ADGRB3: variants seen among roughly 807,000 people sequenced by gnomAD.
The protein encoded by ADGRB3 is adhesion G protein-coupled receptor B3, also known as brain-specific angiogenesis inhibitor 3.
ADGRB3 carries 37 observed loss-of-function variants against 193.4 expected under a neutral mutation model. That is an observed-to-expected ratio of 0.19 (90% CI 0.15 to 0.25). The LOEUF (loss-of-function observed/expected upper bound fraction) is 0.25, where lower values mean the gene tolerates loss of function less well. Ranked by LOEUF, ADGRB3 falls within the 10% of genes least tolerant of loss-of-function variation. ADGRB3 has a pLI of 1.00. For missense variants in ADGRB3, 1,637 were observed against 1,852.9 expected, an observed-to-expected ratio of 0.88 and a Z score of 2.14; for synonymous variants, 690 against 644.2, an observed-to-expected ratio of 1.07 and a Z score of -1.08.
chr6:68,841,948 A>G (rs74959992), intron 3 of ADGRB3, among the ~76,000 whole-genome samples: 1,653 of 152,080 alleles, frequency 0.011, 26 homozygotes, highest in African/African-American at 0.037. Flanking sequence ...GACACCTAGT[A>G]TTTTAGCACA....
intron 3 of ADGRB3, among the ~76,000 whole-genome samples, chr6:68,762,993 T>A (rs917702867): frequency 6.6e-6 from 1 of 152,242 alleles, no homozygotes; most frequent in African/African-American, 2.4e-5. Context: ...ACATTCCTTG[T>A]TTGTGGTCAT....
chr6:69,032,649 T>C (rs566876194), intron 13 of ADGRB3, among the ~76,000 whole-genome samples: 44 of 152,176 alleles, frequency 2.9e-4, no homozygotes, highest in African/African-American at 1.0e-3. Context: ...AAATCTGGAC[T>C]AAATTATTCC....
chr6:68,978,962 C>T (rs1272204070), intron 10 of ADGRB3, among the ~76,000 whole-genome samples: 1 of 151,076 alleles, frequency 6.6e-6, no homozygotes, highest in Non-Finnish European at 1.5e-5. Flanking sequence ...ATAGCAATCA[C>T]CTAAATTTGA....
At chr6:69,157,779 A>T (rs1031589148) in intron 17 of ADGRB3, among the ~76,000 whole-genome samples, 1 of 152,028 alleles carries the variant, frequency 6.6e-6, no homozygotes, top group Non-Finnish European at 1.5e-5. Context: ...TGAGAAATTG[A>T]TGGTTAGAAT....
chr6:68,679,671 T>C (rs1764844633), intron 3 of ADGRB3, among the ~76,000 whole-genome samples: 1 of 152,154 alleles, frequency 6.6e-6, no homozygotes, highest in East Asian at 1.9e-4. Context: ...TATTGAGGTT[T>C]AGACTGAGGT....
intron 17 of ADGRB3, among the ~76,000 whole-genome samples, chr6:69,167,289 A>G (rs533519816): frequency 6.6e-6 from 1 of 152,322 alleles, no homozygotes; most frequent in Middle Eastern, 3.4e-3. Flanking sequence ...AGTTTAAAGA[A>G]TATGAACTTT....
chr6:68,687,376 T>A (rs1000435583), intron 3 of ADGRB3, among the ~76,000 whole-genome samples: 4 of 152,160 alleles, frequency 2.6e-5, no homozygotes, highest in Admixed American at 2.6e-4. Flanking sequence ...GAAAAAACTA[T>A]GCATGGATTT....
intron 17 of ADGRB3, among the ~76,000 whole-genome samples, chr6:69,209,035 C>T (rs1765600478): frequency 6.6e-6 from 1 of 152,162 alleles, no homozygotes; most frequent in South Asian, 2.1e-4. Flanking sequence ...CTAGAGGCCT[C>T]CACTGTGATT....
chr6:69,019,357 T>C (rs1770192654), intron 13 of ADGRB3, among the ~76,000 whole-genome samples: 1 of 152,156 alleles, frequency 6.6e-6, no homozygotes, highest in Middle Eastern at 3.4e-3. Context: ...TATTCACAGA[T>C]ATTTATGCTT....
intron 8 of ADGRB3, among the ~76,000 whole-genome samples, chr6:68,963,332 A>G (rs1768285934): frequency 6.6e-6 from 1 of 152,152 alleles, no homozygotes; most frequent in East Asian, 1.9e-4. Flanking sequence ...TGTTACCCAT[A>G]TTATGACAAC....
At chr6:68,957,498 A>C (rs1768107399) in intron 8 of ADGRB3, among the ~76,000 whole-genome samples, 1 of 152,196 alleles carries the variant, frequency 6.6e-6, no homozygotes, top group South Asian at 2.1e-4. Context: ...AAGTATACTA[A>C]AGATGTGATA....
At chr6:69,260,808 T>C (rs747959791) in intron 20 of ADGRB3, among the ~76,000 whole-genome samples, 11 of 152,208 alleles carry the variant, frequency 7.2e-5, no homozygotes, top group Non-Finnish European at 1.6e-4. Context: ...TTTGCCATTG[T>C]AGTTTTTCAC....
rs368116655 is a variant in ADGRB3, at chr6:68,905,165, C to T, written c.758-25394C>T. On this transcript the variant is annotated intron_variant, in intron 3 of 31. Transcript: ENST00000370598. ...GCATTATTGCATAAGTATTATATAA[C>T]GATCTGTTTTAATAGTCCCCAAAAG... 1.4e-4 allele frequency among the ~76,000 whole-genome samples: 22 copies of T among 152,092 alleles called. 1 individual carries two copies. The East Asian group carries it at 1.5e-3, about 11-fold the overall frequency.
intron 3 of ADGRB3, among the ~76,000 whole-genome samples, chr6:68,690,048 G>C (rs1393084536): frequency 6.6e-6 from 1 of 152,138 alleles, no homozygotes; most frequent in Admixed American, 6.6e-5. Context: ...ATAGGTGTAA[G>C]TGGGTGTGAA....
intron 3 of ADGRB3, among the ~76,000 whole-genome samples, chr6:68,878,761 G>T (rs1765656459): frequency 1.3e-5 from 2 of 152,142 alleles, no homozygotes; most frequent in Admixed American, 6.5e-5. Context: ...CTGAGACTGG[G>T]CAATTTACAA....
At chr6:68,815,603 TTGTGTGTGTGTGTGTG>T (rs5877170) in intron 3 of ADGRB3, among the ~76,000 whole-genome samples, 2 of 137,198 alleles carry the variant, frequency 1.5e-5, no homozygotes, top group Admixed American at 7.7e-5. Context: ...CCATCAAAAA[TTGTGTGTGTGTGTGTG>T]TGTGTGTGTG....
chr6:69,361,001 A>G lies in ADGRB3; in HGVS notation c.3728A>G (p.Asn1243Ser), dbSNP rs776886252. 15 of 1,612,714 alleles carry G rather than the reference A, an allele frequency of 9.3e-6. No homozygotes were observed. The South Asian group carries it at 1.3e-4, about 14-fold the overall frequency. The change falls in exon 29 of 32, where the codon AAT (asparagine) becomes AGT (serine). Residue 1243 changes from asparagine (N) to serine (S), a missense_variant. Physicochemically the swap from Asn to Ser is conservative, Grantham distance 46. This residue lies in a region of ADGRB3 where 368 missense variants were observed against 367.4 expected (regional missense o/e 1.00). Coordinates refer to ENST00000370598, the MANE Select transcript of ADGRB3 (RefSeq NM_001704.3). ...CTAAGCTATTCAACATTGCCTGGAA[A>G]TGTCATTTCCAAAGTCATCATCCAG... ...EGLSYSTLPG[N>S]VISKVIIQQP... is the part of the protein sequence containing the mutation.
Position 69,090,981 on chromosome 6 carries a change from C to A in ADGRB3, c.2480+14943C>A, listed in dbSNP as rs76621587. 3.4e-4 allele frequency among the ~76,000 whole-genome samples: 51 copies of A among 152,172 alleles called. 1 individual carries two copies. The East Asian group carries it at 7.9e-3, about 24-fold the overall frequency. On this transcript the variant is annotated intron_variant, in intron 17 of 31. Coordinates refer to ENST00000370598, the MANE Select transcript of ADGRB3 (RefSeq NM_001704.3). ...ATAAAAGTATATTTAAAAATGCCTT[C>A]CAAAATGAACAGACACTTCTAAAAA...
intron 17 of ADGRB3, among the ~76,000 whole-genome samples, chr6:69,105,492 A>G (rs370707335): frequency 6.6e-6 from 1 of 152,128 alleles, no homozygotes; most frequent in Non-Finnish European, 1.5e-5. Context: ...CCTCAGGCCT[A>G]CATCGCCCTC....
Sources: allele counts gnomAD v4.1 joint callset (sites outside exome capture counted in the v4.1 genomes callset), GRCh38; gene constraint gnomAD v4.1.1; regional missense constraint gnomAD v4.1.1; transcripts MANE v1.5; gene names NCBI Gene and HGNC (gene_info 2026-07-23, HGNC 2026-07-21).